Variants in DEFB124 observed in about 807,000 individuals in gnomAD.
DEFB124 encodes the protein beta-defensin 124.
For synonymous variants in DEFB124, 38 were observed against 36.5 expected (o/e 1.04, Z -0.15); for missense variants, 78 against 83.1 (o/e 0.94, Z 0.24).
intron 2 of DEFB124, among the ~76,000 whole-genome samples, chr20:31,471,570 G>A (rs1283283673): frequency 6.7e-6 from 1 of 150,246 alleles, no homozygotes; most frequent in Non-Finnish European, 1.5e-5. Flanking sequence ...CCCGGACGGG[G>A]CGGCTGCCGG....
At chr20:31,465,774 G>A in intron 2 of DEFB124, 111 bp from the exon 3 acceptor site, 1 of 1,308,924 alleles carries the variant, frequency 7.6e-7, no homozygotes, top group Non-Finnish European at 1.1e-6. Context: ...TTAGCTCTCT[G>A]GTCTTCTGTT....
At chr20:31,471,956 C>T (rs1265312712) in intron 2 of DEFB124, among the ~76,000 whole-genome samples, 1 of 148,820 alleles carries the variant, frequency 6.7e-6, no homozygotes, top group Non-Finnish European at 1.5e-5. Context: ...ACGTCCCAGA[C>T]GATGGGCGGC....
At chr20:31,470,371 G>A (rs1426684862) in intron 2 of DEFB124, among the ~76,000 whole-genome samples, 20 of 143,642 alleles carry the variant, frequency 1.4e-4, no homozygotes, top group South Asian at 2.2e-4. Flanking sequence ...GTGGCTGGCC[G>A]GGCGGGGGGC....
intron 2 of DEFB124, among the ~76,000 whole-genome samples, chr20:31,467,398 A>G (rs1256520084): frequency 6.6e-6 from 1 of 152,182 alleles, no homozygotes; most frequent in Non-Finnish European, 1.5e-5. Context: ...GTGTAGTATA[A>G]TCGTTAACAG....
chr20:31,472,942 C>T lies in DEFB124; in HGVS notation c.58+14G>A, dbSNP rs370670543. On this transcript the variant is annotated intron_variant, in intron 2 of 2. Transcript: ENST00000317676. Reference sequence around the variant, plus strand: ...GCACACACACACACACACACATGCACACGATGTTGTTACCTGATGGCACAT... The same window carrying T: ...GCACACACACACACACACACATGCATACGATGTTGTTACCTGATGGCACAT... 45 of 1,613,110 alleles carry T rather than the reference C, an allele frequency of 2.8e-5. No homozygotes were observed. The highest frequency in any genetic ancestry group is 3.4e-5 in the Non-Finnish European group (40 of 1,179,858).
intron 2 of DEFB124, among the ~76,000 whole-genome samples, chr20:31,467,284 C>T (rs748506578): frequency 6.6e-6 from 1 of 152,168 alleles, no homozygotes; most frequent in African/African-American, 2.4e-5. Flanking sequence ...TCAACCCTGC[C>T]GAGCAGTCCA....
Position 31,473,015 on chromosome 20 carries a change from G to A in DEFB124, c.-2C>T. 1 of 1,613,984 alleles carries A rather than the reference G, an allele frequency of 6.2e-7. No homozygotes were observed. Among genetic ancestry groups the A allele is most frequent in the Non-Finnish European group, 8.5e-7 (1 of 1,179,984 alleles). On this transcript the variant is annotated 5_prime_UTR_variant, in exon 2 of 3. Transcript: ENST00000317676. Reference sequence around the variant, plus strand: ...AAGGAACAGAAGCAGCTGTGTCATGGCCACGGGGCTCCTGGGGAGGCTGCT... The same window carrying A: ...AAGGAACAGAAGCAGCTGTGTCATGACCACGGGGCTCCTGGGGAGGCTGCT...
At chr20:31,469,593 C>T (rs1407133965) in intron 2 of DEFB124, among the ~76,000 whole-genome samples, 1 of 151,190 alleles carries the variant, frequency 6.6e-6, no homozygotes, top group Non-Finnish European at 1.5e-5. Flanking sequence ...GAGGACCCTG[C>T]GGCCTTCAGC....
At chr20:31,468,520 G>T (rs898806945) in intron 2 of DEFB124, among the ~76,000 whole-genome samples, 2 of 151,346 alleles carry the variant, frequency 1.3e-5, no homozygotes, top group African/African-American at 2.4e-5. Context: ...TCTGTTGCCA[G>T]GCTGGAGAGC....
intron 2 of DEFB124, among the ~76,000 whole-genome samples, chr20:31,467,261 C>A (rs1310545265): frequency 6.6e-6 from 1 of 152,194 alleles, no homozygotes; most frequent in African/African-American, 2.4e-5. Flanking sequence ...TTAGGCATAT[C>A]CACAGGTTTT....
At chr20:31,467,475 C>T (rs1600564995) in intron 2 of DEFB124, among the ~76,000 whole-genome samples, 1 of 152,336 alleles carries the variant, frequency 6.6e-6, no homozygotes, top group South Asian at 2.1e-4. Context: ...CATTGAGTGA[C>T]CTTGGCCTCA....
intron 2 of DEFB124, among the ~76,000 whole-genome samples, chr20:31,470,408 G>A (rs1980218646): frequency 7.2e-6 from 1 of 139,240 alleles, no homozygotes; most frequent in African/African-American, 2.7e-5. Context: ...CTCCCGGACG[G>A]GGCGGCTGGC....
chr20:31,471,500 C>T (rs1405262645), intron 2 of DEFB124, among the ~76,000 whole-genome samples: 2 of 144,486 alleles, frequency 1.4e-5, no homozygotes, highest in Admixed American at 6.7e-5. Context: ...GGCTGACCCC[C>T]CCACCTCCCT....
At chr20:31,473,983 T>A (rs1261148096) in intron 1 of DEFB124, among the ~76,000 whole-genome samples, 2 of 152,092 alleles carry the variant, frequency 1.3e-5, no homozygotes, top group Non-Finnish European at 2.9e-5. Context: ...GGAAAAGGTA[T>A]CCCGGGCAGA....
At chr20:31,468,711 A>G (rs1980145602) in intron 2 of DEFB124, among the ~76,000 whole-genome samples, 1 of 151,674 alleles carries the variant, frequency 6.6e-6, no homozygotes, top group African/African-American at 2.4e-5. Flanking sequence ...TCTTGACCTC[A>G]TGATCCACCC....
At chr20:31,474,203 T>C (rs1231227913) in intron 1 of DEFB124, among the ~76,000 whole-genome samples, 1 of 152,218 alleles carries the variant, frequency 6.6e-6, no homozygotes, top group Non-Finnish European at 1.5e-5. Context: ...AAGAGGGAAG[T>C]TGACTTGCCT....
At chr20:31,468,482 A>G (rs1266339016) in intron 2 of DEFB124, among the ~76,000 whole-genome samples, 1 of 143,438 alleles carries the variant, frequency 7.0e-6, no homozygotes. Context: ...TTCTTTTTCT[A>G]TTTTTTTTTT....
Position 31,472,601 on chromosome 20 carries a change from C to G in DEFB124, c.58+355G>C, listed in dbSNP as rs543498206. ...CCTTTCCTCTTCTCAGCACTTATCA[C>G]CACCCAACATATGTTTATCCACTTA... On this transcript the variant is annotated intron_variant, in intron 2 of 2. Transcript: ENST00000317676. 7.6e-5 allele frequency: 18 copies of G among 236,060 alleles called. No individual in the cohort carries two copies. In the East Asian group the frequency reaches 1.0e-3, roughly 14 times the overall value. 14.6% of individuals were successfully genotyped at this position (236,060 alleles called of 1,614,324 possible). A position where few individuals can be genotyped will look rare whatever the true frequency, so the allele number is the denominator to read the frequency against.
At chr20:31,469,978 G>A (rs1220568814) in intron 2 of DEFB124, among the ~76,000 whole-genome samples, 2 of 138,220 alleles carry the variant, frequency 1.4e-5, no homozygotes, top group Non-Finnish European at 3.2e-5. Context: ...CCTCCCAGAC[G>A]GGGTGGTGGC....
Sources: allele counts gnomAD v4.1 joint callset (sites outside exome capture counted in the v4.1 genomes callset), GRCh38; gene constraint gnomAD v4.1.1; transcripts MANE v1.5; gene names NCBI Gene and HGNC (gene_info 2026-07-23, HGNC 2026-07-21).